SH3BP2: variants seen among roughly 807,000 people sequenced by gnomAD.
SH3BP2 encodes SH3 domain binding protein 2, also known as SH3 domain-binding protein 2.
SH3BP2 carries 38 observed loss-of-function variants against 56.2 expected under a neutral mutation model. The ratio of observed to expected loss-of-function variants is 0.68; its 90% CI spans 0.52 to 0.89. The LOEUF (loss-of-function observed/expected upper bound fraction) is 0.89. Ranked by LOEUF, SH3BP2 falls within the 40% of genes least tolerant of loss-of-function variation. SH3BP2 has a pLI of 0.00. For missense variants in SH3BP2, 748 were observed against 762.6 expected (o/e 0.98, Z 0.23); for synonymous variants, 346 against 316.7 (o/e 1.09, Z -0.98).
At chr4:2,822,631 G>GA (rs1170199465) in intron 2 of SH3BP2, among the ~76,000 whole-genome samples, 1 of 152,214 alleles carries the variant, frequency 6.6e-6, no homozygotes, top group East Asian at 1.9e-4. Flanking sequence ...TCTGGTCCTG[G>GA]CTCTGCCTTG....
Position 2,810,803 on chromosome 4 carries a change from C to G in SH3BP2, c.-4-9811C>G, listed in dbSNP as rs1723716923. Among the ~76,000 whole-genome samples the G allele has an allele frequency of 6.6e-6, 1 of 152,224 alleles. No homozygotes were observed. ...AGCCCCAACTGTCAGAACTGCCTGC[C>G]TCATCGTCCAGGCTGGGCAGTGGCC... On this transcript the variant is annotated intron_variant, in intron 1 of 12. Transcript: ENST00000503393. The surrounding 1 kb of genome is among the most constrained non-coding windows in gnomAD (Gnocchi z 4.2).
chr4:2,824,964 C>G, intron 4 of SH3BP2, 162 bp from the exon 5 acceptor site: 1 of 731,614 alleles, frequency 1.4e-6, no homozygotes, highest in Non-Finnish European at 2.4e-6. Context: ...TGGGAGGTGC[C>G]CCTGTGGGCT....
rs1366078451 is a variant in SH3BP2, at chr4:2,840,341, TA to T, written c.*6508del. On this transcript the variant is annotated 3_prime_UTR_variant, in exon 13 of 13. Coordinates refer to ENST00000503393, the MANE Select transcript of SH3BP2 (RefSeq NM_001122681.2). ...GAAATCCTTATAAATGTAAATTTCA[TA>T]TTTAGGCCTTTAATTCACCTAGATT... 6.6e-6 allele frequency: 1 copy of T among 151,966 alleles called. No individual in the cohort carries two copies. Among genetic ancestry groups the T allele is most frequent in the African/African-American group, 2.4e-5 (1 of 41,392 alleles). 9.4% of individuals were successfully genotyped at this position (151,966 alleles called of 1,614,324 possible). A position where few individuals can be genotyped will look rare whatever the true frequency, so the allele number is the denominator to read the frequency against.
chr4:2,805,818 G>A (rs949042348), intron 1 of SH3BP2, among the ~76,000 whole-genome samples: 2 of 152,182 alleles, frequency 1.3e-5, no homozygotes, highest in African/African-American at 4.8e-5. Flanking sequence ...GCAAGGGCGG[G>A]GCAGAGGAGG....
intron 3 of SH3BP2, 31 bp downstream of exon 3, chr4:2,823,068 G>T (rs768942093): frequency 2.7e-6 from 4 of 1,504,270 alleles, no homozygotes; most frequent in East Asian, 2.3e-5. Context: ...CTGACCTCGG[G>T]CCCCCACAGC....
At chr4:2,802,401 TATA>T (rs1187100573) in intron 1 of SH3BP2, among the ~76,000 whole-genome samples, 2 of 126,672 alleles carry the variant, frequency 1.6e-5, no homozygotes, top group African/African-American at 3.4e-5. Flanking sequence ...CTCAAAAAAA[TATA>T]TGTGTGTGTG....
rs12504763 is a variant in SH3BP2, at chr4:2,839,572, T to G, written c.*5738T>G. ...GACTGTTTATGGTGTCCTTTTTTTTTGGGGGGGGTTTTTTGAGACAAGGTC... is the reference window on the plus strand; with the variant it reads ...GACTGTTTATGGTGTCCTTTTTTTTGGGGGGGGGTTTTTTGAGACAAGGTC... On this transcript the variant is annotated 3_prime_UTR_variant, in exon 13 of 13. Coordinates refer to ENST00000503393, the MANE Select transcript of SH3BP2 (RefSeq NM_001122681.2). The G allele has an allele frequency of 0.055, 8,364 of 151,652 alleles. 517 individuals carry two copies. The highest frequency in any genetic ancestry group is 0.14 in the Admixed American group (2,155 of 15,194). 9.4% of individuals were successfully genotyped at this position (151,652 alleles called of 1,614,324 possible).
intron 2 of SH3BP2, among the ~76,000 whole-genome samples, chr4:2,820,996 C>T (rs1724275132): frequency 6.6e-6 from 1 of 152,178 alleles, no homozygotes; most frequent in African/African-American, 2.4e-5. Context: ...CTGCAGCCTG[C>T]AGCCAGGACC....
chr4:2,823,083 G>A (rs1400043362), intron 3 of SH3BP2, 46 bp downstream of exon 3: 5 of 1,394,688 alleles, frequency 3.6e-6, no homozygotes, highest in South Asian at 1.2e-5. Flanking sequence ...CACAGCCAGC[G>A]GGTCCCTCCC....
intron 4 of SH3BP2, 63 bp from the exon 5 acceptor site, chr4:2,825,063 G>A (rs1724523814): frequency 1.4e-6 from 2 of 1,418,148 alleles, no homozygotes; most frequent in Admixed American, 2.0e-5. Flanking sequence ...CAGTGAAGGT[G>A]GAGGGGTGCG....
Position 2,834,267 on chromosome 4 carries a change from A to T in SH3BP2, c.*433A>T, listed in dbSNP as rs1725156082. The T allele has an allele frequency of 6.0e-6, 1 of 165,570 alleles. No individual in the cohort carries two copies. Among genetic ancestry groups the T allele is most frequent in the South Asian group, 1.7e-4 (1 of 5,760 alleles). 10.3% of individuals were successfully genotyped at this position (165,570 alleles called of 1,614,324 possible). ...GGCTCCAGTAGGGGCTGTTGCCTCC[A>T]ATAAAGCAGCAGTGAGCTTTGCCTT... On this transcript the variant is annotated 3_prime_UTR_variant, in exon 13 of 13. Transcript: ENST00000503393.
At chr4:2,830,847 C>T (rs893516444) in intron 8 of SH3BP2, among the ~76,000 whole-genome samples, 5 of 152,198 alleles carry the variant, frequency 3.3e-5, no homozygotes, top group Admixed American at 6.5e-5. Flanking sequence ...CTGGCCGGCA[C>T]GCGCACCCCC....
At chr4:2,823,988 T>G (rs887954591) in intron 3 of SH3BP2, among the ~76,000 whole-genome samples, 7 of 152,228 alleles carry the variant, frequency 4.6e-5, no homozygotes, top group Non-Finnish European at 1.0e-4. Context: ...GTGCCAGCCA[T>G]GCCATGAACC....
chr4:2,812,568 A>G, intron 1 of SH3BP2: 1 of 1,456,790 alleles, frequency 6.9e-7, no homozygotes, highest in Non-Finnish European at 9.2e-7. Context: ...TGGGAGCCAC[A>G]GCCTTCCTCG....
intron 3 of SH3BP2, chr4:2,823,520 T>C: frequency 2.2e-6 from 1 of 456,518 alleles, no homozygotes; most frequent in Non-Finnish European, 4.4e-6. Context: ...GGCTGGGCTC[T>C]ATCCAGTGAT....
chr4:2,833,706 T>C lies in SH3BP2; in HGVS notation c.1558T>C (p.Phe520Leu). ...NYRIFEKDSK[F>L]YLEGEVLFVS... ...TTCTCTTCCCCCACAGGACTCTAAG[T>C]TCTACCTGGAGGGCGAGGTCCTGTT... Residue 520 changes from phenylalanine to leucine, a missense_variant, in exon 13 of 13, where the codon TTC becomes CTC. By Grantham distance (22) the Phe-to-Leu change is conservative (BLOSUM62 0). Coordinates refer to ENST00000503393, the MANE Select transcript of SH3BP2 (RefSeq NM_001122681.2). The C allele has an allele frequency of 6.2e-7, 1 of 1,610,848 alleles. No homozygotes were observed. The highest frequency in any genetic ancestry group is 1.1e-5 in the South Asian group (1 of 90,298).
chr4:2,832,659 C>G (rs1411269158), intron 11 of SH3BP2, among the ~76,000 whole-genome samples: 1 of 152,188 alleles, frequency 6.6e-6, no homozygotes, highest in Non-Finnish European at 1.5e-5. Flanking sequence ...GGCTCATGCT[C>G]TGGGGTGGCG....
rs1446122317 is a variant in SH3BP2, at chr4:2,829,848, C to T, written c.942C>T (p.Ala314=). ...AGCCCTGGACCCCTGGCCACGGGGC[C>T]TGCTCCACTTCCAGTGCTGCCATCA... The part of the protein sequence containing the change: ...SPEPWTPGHG[A]CSTSSAAIMA... The change falls in exon 8 of 13, where the codon GCC becomes GCT. Residue 314 remains alanine, a synonymous_variant. Transcript: ENST00000503393. The surrounding 1 kb of genome is among the most constrained non-coding windows in gnomAD (Gnocchi z 4.9). 1 of 1,613,618 alleles carries T rather than the reference C, an allele frequency of 6.2e-7. No individual in the cohort carries two copies. Among genetic ancestry groups the T allele is most frequent in the East Asian group, 2.2e-5 (1 of 44,898 alleles).
chr4:2,838,515 G>T lies in SH3BP2; in HGVS notation c.*4681G>T, dbSNP rs921657155. ...AAAACTTCCATTGTTTGGCTGTATC[G>T]TAGTTCACAGATTCATTTCACTGTC... On this transcript the variant is annotated 3_prime_UTR_variant, in exon 13 of 13. Transcript: ENST00000503393. 6.6e-6 allele frequency: 1 copy of T among 152,158 alleles called. No individual in the cohort carries two copies. Among genetic ancestry groups the T allele is most frequent in the Non-Finnish European group, 1.5e-5 (1 of 68,044 alleles). 9.4% of individuals were successfully genotyped at this position (152,158 alleles called of 1,614,324 possible).
Sources: gnomAD v4.1 joint callset for allele counts (sites outside exome capture counted in the v4.1 genomes callset) on GRCh38, gnomAD v4.1.1 for gene constraint, Gnocchi (gnomAD v3.1) non-coding constraint, MANE v1.5 for transcripts, NCBI Gene and HGNC (gene_info 2026-07-23, HGNC 2026-07-21) for gene names.